ABI3BP: variants seen among roughly 807,000 people sequenced by gnomAD.
The protein encoded by ABI3BP is ABI family member 3 binding protein, also known as target of Nesh-SH3.
Under a neutral mutation model 268.6 loss-of-function variants are expected in ABI3BP, and 216 were observed. The ratio of observed to expected loss-of-function variants is 0.80; its 90% CI spans 0.72 to 0.90. The LOEUF (loss-of-function observed/expected upper bound fraction) is 0.90. Among genes scored for constraint, ABI3BP ranks in the 40% least tolerant of loss-of-function variants. The pLI is 0.00. For missense variants in ABI3BP, 2,090 were observed against 2,182.4 expected (o/e 0.96, Z 0.84); for synonymous variants, 730 against 730.0 (o/e 1.00, Z 0.00).
chr3:100,778,484 G>T, intron 58 of ABI3BP, 108 bp from the exon 59 acceptor site: 1 of 915,518 alleles, frequency 1.1e-6, no homozygotes, highest in Non-Finnish European at 1.6e-6. Flanking sequence ...ATAATTAGCA[G>T]TTGGATGACA....
Position 100,815,938 on chromosome 3 carries a change from C to G in ABI3BP, c.3263G>C (p.Ser1088Thr). 6.5e-7 allele frequency: 1 copy of G among 1,528,348 alleles called. No homozygotes were observed. Among genetic ancestry groups the G allele is most frequent in the Non-Finnish European group, 8.7e-7 (1 of 1,144,658 alleles). 94.7% of individuals were successfully genotyped at this position (1,528,348 alleles called of 1,614,324 possible). A position where few individuals can be genotyped will look rare whatever the true frequency, so the allele number is the denominator to read the frequency against. The stretch of plus-strand genomic sequence containing the variant: ...AAATGTTGTTCCTGGAGCATCAGTA[C>G]TATGAACAACAGGTTCAAAGCCTGT... ...SVTGFEPVVH[S>T]TDAPGTTFAL... The change falls in exon 44 of 68, where the codon AGT becomes ACT. Residue 1088 changes from serine to threonine, a missense_variant. Physicochemically the swap from Ser to Thr is moderately conservative, Grantham distance 58. Coordinates refer to ENST00000471714, the MANE Select transcript of ABI3BP (RefSeq NM_001375547.2).
intron 50 of ABI3BP, among the ~76,000 whole-genome samples, chr3:100,806,789 A>G (rs1578387685): frequency 6.6e-6 from 1 of 152,206 alleles, no homozygotes; most frequent in East Asian, 1.9e-4. Context: ...ATGTGAATCT[A>G]TCTATTCTGA....
At chr3:100,845,624 T>C (rs968064728) in intron 20 of ABI3BP, among the ~76,000 whole-genome samples, 1 of 152,160 alleles carries the variant, frequency 6.6e-6, no homozygotes, top group Non-Finnish European at 1.5e-5. Context: ...AATAATTTCT[T>C]CCCAGAGCTA....
At chr3:100,768,572 C>G (rs544046410) in intron 62 of ABI3BP, among the ~76,000 whole-genome samples, 115 of 152,282 alleles carry the variant, frequency 7.6e-4, no homozygotes, top group African/African-American at 2.6e-3. Flanking sequence ...CTTTCAAGTG[C>G]TAATACCTTT....
chr3:100,975,049 TAAG>T (rs1245959221), intron 1 of ABI3BP, among the ~76,000 whole-genome samples: 2 of 152,176 alleles, frequency 1.3e-5, no homozygotes, highest in African/African-American at 4.8e-5. Flanking sequence ...GTTATTTTGA[TAAG>T]AAGTTAATTT....
At chr3:100,758,092 C>G (rs1158205675) in intron 63 of ABI3BP, among the ~76,000 whole-genome samples, 1 of 151,498 alleles carries the variant, frequency 6.6e-6, no homozygotes, top group African/African-American at 2.4e-5. Flanking sequence ...TGTAAATCCC[C>G]TCCAAAAACA....
chr3:100,818,654 T>G, intron 40 of ABI3BP, 73 bp from the exon 41 acceptor site: 4 of 1,189,196 alleles, frequency 3.4e-6, no homozygotes, highest in Non-Finnish European at 4.8e-6. Context: ...ACTGCTTCAA[T>G]CAGTATATAG....
At chr3:100,976,878 C>T (rs2086489391) in intron 1 of ABI3BP, among the ~76,000 whole-genome samples, 1 of 152,212 alleles carries the variant, frequency 6.6e-6, no homozygotes, top group Non-Finnish European at 1.5e-5. Flanking sequence ...CAGATCCACA[C>T]CCTTGGCCTA....
Position 100,959,008 on chromosome 3 carries a change from G to A in ABI3BP, c.80-32527C>T, listed in dbSNP as rs540070429. 7.9e-5 allele frequency among the ~76,000 whole-genome samples: 12 copies of A among 152,206 alleles called. No homozygotes were observed. The East Asian group carries it at 1.6e-3, about 20-fold the overall frequency. ...CTATGGAGCATAAACCTAACCCCACGGGGGAAGAACAACCATCTTGTTGCT... is the reference window on the plus strand; with the variant it reads ...CTATGGAGCATAAACCTAACCCCACAGGGGAAGAACAACCATCTTGTTGCT... On this transcript the variant is annotated intron_variant, in intron 1 of 67. Transcript: ENST00000471714.
At chr3:100,860,928 C>A (rs973532048) in intron 14 of ABI3BP, among the ~76,000 whole-genome samples, 1 of 152,078 alleles carries the variant, frequency 6.6e-6, no homozygotes, top group Admixed American at 6.5e-5. Context: ...TCACATATGC[C>A]CCTAGACTAG....
At chr3:100,910,283 T>C (rs2055740687) in intron 2 of ABI3BP, among the ~76,000 whole-genome samples, 1 of 152,018 alleles carries the variant, frequency 6.6e-6, no homozygotes, top group African/African-American at 2.4e-5. Flanking sequence ...GGAGGAGGGA[T>C]GACATTAGGA....
chr3:100,959,362 C>T (rs553689140), intron 1 of ABI3BP, among the ~76,000 whole-genome samples: 1,938 of 150,976 alleles, frequency 0.013, 46 homozygotes, highest in African/African-American at 0.042. Context: ...TGGTAGCGGG[C>T]GCCTGTAGTC....
chr3:100,850,647 T>C lies in ABI3BP; in HGVS notation c.1426+13A>G. 6.3e-7 allele frequency: 1 copy of C among 1,594,516 alleles called. No individual in the cohort carries two copies. ...TGGAAAATAAAGTATGATTTTTCTG[T>C]TAAAAACATTACCCAGTGTTGCCCT... On this transcript the variant is annotated intron_variant, in intron 16 of 67. Transcript: ENST00000471714.
At position 100,810,414 on chromosome 3, in the gene ABI3BP, GGTTCA is replaced by G. The variant is rs2097832895; in HGVS notation, c.3600_3604del (p.Glu1201CysfsTer11). The stretch of plus-strand genomic sequence containing the variant: ...GACATACAAAATAATGTATTTACCA[GGTTCA>G]GTCTGAGGCTCATCTGGGCTGGGTA... On this transcript the variant is annotated frameshift_variant, in exon 49 of 68. Coordinates refer to ENST00000471714, the MANE Select transcript of ABI3BP (RefSeq NM_001375547.2). LOFTEE classifies it high-confidence loss of function. 9.8e-6 allele frequency: 15 copies of G among 1,532,810 alleles called. No homozygotes were observed. The highest frequency in any genetic ancestry group is 1.3e-5 in the Non-Finnish European group (15 of 1,144,208). The allele number at this position is 1,532,810 out of a possible 1,614,324, so 95.0% of individuals were successfully genotyped here. A position where few individuals can be genotyped will look rare whatever the true frequency, so the allele number is the denominator to read the frequency against.
chr3:100,980,234 C>T (rs2088634446), intron 1 of ABI3BP, among the ~76,000 whole-genome samples: 1 of 152,038 alleles, frequency 6.6e-6, no homozygotes, highest in Non-Finnish European at 1.5e-5. Flanking sequence ...TCATCTATTT[C>T]TTTTTTCTTT....
chr3:100,764,554 A>G (rs2096170773), intron 63 of ABI3BP, among the ~76,000 whole-genome samples: 2 of 152,230 alleles, frequency 1.3e-5, no homozygotes, highest in African/African-American at 4.8e-5. Context: ...TCCAATTCAG[A>G]AAAAAACCAC....
rs573177228 is a variant in ABI3BP, at chr3:100,859,427, A to G, written c.1285+2884T>C. Among the ~76,000 whole-genome samples the G allele has an allele frequency of 9.2e-5, 14 of 152,304 alleles. 1 individual carries two copies. In the South Asian group the frequency reaches 2.9e-3, roughly 32 times the overall value. On this transcript the variant is annotated intron_variant, in intron 14 of 67. Coordinates refer to ENST00000471714, the MANE Select transcript of ABI3BP (RefSeq NM_001375547.2). ...GATACTGCAACTAAAAATGGGATTC[A>G]TGGTTTTGTGGACCACCATTTAAAC...
intron 26 of ABI3BP, among the ~76,000 whole-genome samples, chr3:100,837,546 G>C (rs1299451492): frequency 6.6e-6 from 1 of 152,156 alleles, no homozygotes; most frequent in African/African-American, 2.4e-5. Flanking sequence ...CTGAGGTCAG[G>C]AGTTCAAAAG....
chr3:100,804,097 T>C (rs2097619988), intron 51 of ABI3BP, among the ~76,000 whole-genome samples: 1 of 152,180 alleles, frequency 6.6e-6, no homozygotes, highest in Non-Finnish European at 1.5e-5. Flanking sequence ...AAAAATGAGC[T>C]TGGCTTTTTA....
Sources: allele counts gnomAD v4.1 joint callset (sites outside exome capture counted in the v4.1 genomes callset), GRCh38; gene constraint gnomAD v4.1.1; transcripts MANE v1.5; gene names NCBI Gene and HGNC (gene_info 2026-07-23, HGNC 2026-07-21).